BMS1: variants seen among roughly 807,000 people sequenced by gnomAD.
BMS1 encodes the protein ribosome biogenesis protein BMS1 homolog.
Under a neutral mutation model 138.7 loss-of-function variants are expected in BMS1, and 53 were observed. That is an observed-to-expected ratio of 0.38 (90% CI 0.31 to 0.48). The LOEUF is 0.48. Ranked by LOEUF, BMS1 falls within the 20% of genes least tolerant of loss-of-function variation. BMS1 has a pLI of 0.97. For missense variants in BMS1, 1,360 were observed against 1,565.5 expected, an observed-to-expected ratio of 0.87 and a Z score of 2.22; for synonymous variants, 504 against 539.9, an observed-to-expected ratio of 0.93 and a Z score of 0.92.
rs769824706 is a variant in BMS1, at chr10:42,790,471, A to G, written c.596A>G (p.Lys199Arg). The G allele has an allele frequency of 5.0e-6, 8 of 1,614,000 alleles. No homozygotes were observed. Among genetic ancestry groups the G allele is most frequent in the South Asian group, 1.1e-5 (1 of 91,076 alleles). ...FKHNKQLKKT[K>R]KRLKHRFWTE... ...CATAATAAGCAACTGAAGAAGACAA[A>G]GAAGCGATTAAAACACAGGTTCTGG... Residue 199 changes from lysine (K) to arginine (R), a missense_variant, in exon 5 of 23, where the codon AAG (lysine) becomes AGG (arginine). Physicochemically the swap from Lys to Arg is conservative, Grantham distance 26 (BLOSUM62 2). This residue lies in a region of BMS1 where 238 missense variants were observed against 311.1 expected (regional missense o/e 0.77). Transcript: ENST00000374518.
chr10:42,790,263 C>A (rs1340208958), intron 4 of BMS1, 60 bp from the exon 5 acceptor site: 36 of 1,578,046 alleles, frequency 2.3e-5, no homozygotes, highest in Admixed American at 1.0e-4. Flanking sequence ...AGTTGCCAAC[C>A]CTTAGTGTAG....
intron 14 of BMS1, 147 bp from the exon 15 acceptor site, chr10:42,817,171 A>T: frequency 1.5e-6 from 1 of 663,308 alleles, no homozygotes; most frequent in Non-Finnish European, 2.6e-6. Flanking sequence ...TCAGAGACAA[A>T]GGTTGTGTTG....
chr10:42,806,348 G>A (rs34081555), intron 13 of BMS1, among the ~76,000 whole-genome samples: 1 of 151,878 alleles, frequency 6.6e-6, no homozygotes, highest in South Asian at 2.1e-4. Flanking sequence ...TTGCCTTACT[G>A]CCCTGGTTTA....
chr10:42,800,771 C>T (rs930614020), intron 12 of BMS1, among the ~76,000 whole-genome samples: 2 of 152,170 alleles, frequency 1.3e-5, no homozygotes, highest in African/African-American at 2.4e-5. Flanking sequence ...TCCTGAGCCA[C>T]GTGCCTCGGC....
At position 42,816,230 on chromosome 10, in the gene BMS1, C is replaced by T. The variant is rs536827378; in HGVS notation, c.2330-369C>T. 7.2e-5 allele frequency among the ~76,000 whole-genome samples: 11 copies of T among 152,132 alleles called. No homozygotes were observed. The South Asian group carries it at 2.1e-3, about 29-fold the overall frequency. On this transcript the variant is annotated intron_variant, in intron 13 of 22. Coordinates refer to ENST00000374518, the MANE Select transcript of BMS1 (RefSeq NM_014753.4). ...AGTAGAATTGCTTGAACCCGGGAGG[C>T]GGAGGTTGCAGTGAGCTGAGATCAT...
At chr10:42,797,573 T>G (rs1841731142) in intron 11 of BMS1, 50 bp downstream of exon 11, 2 of 1,556,994 alleles carry the variant, frequency 1.3e-6, no homozygotes, top group Non-Finnish European at 1.8e-6. Flanking sequence ...CTCTGATTAT[T>G]TAGATGAGGG....
chr10:42,803,102 G>T (rs948008375), intron 13 of BMS1, among the ~76,000 whole-genome samples: 1 of 152,100 alleles, frequency 6.6e-6, no homozygotes, highest in African/African-American at 2.4e-5. Context: ...GCCCACTGCA[G>T]CCTCAACCTC....
chr10:42,795,232 A>G (rs979283700), intron 9 of BMS1, among the ~76,000 whole-genome samples: 15 of 152,190 alleles, frequency 9.9e-5, no homozygotes, highest in Admixed American at 7.2e-4. Context: ...ATACGTTTGC[A>G]TGTGTCTTTA....
intron 21 of BMS1, among the ~76,000 whole-genome samples, chr10:42,825,877 CACTA>C (rs1450757257): frequency 2.0e-5 from 3 of 152,172 alleles, no homozygotes; most frequent in Non-Finnish European, 4.4e-5. Flanking sequence ...AGTTGTTCCC[CACTA>C]ACTATTATGT....
chr10:42,810,142 G>A (rs1842129888), intron 13 of BMS1, among the ~76,000 whole-genome samples: 1 of 152,020 alleles, frequency 6.6e-6, no homozygotes, highest in Non-Finnish European at 1.5e-5. Context: ...TGCATACCTG[G>A]AATAACTCTC....
At chr10:42,829,068 CA>C (rs1271773476) in intron 21 of BMS1, among the ~76,000 whole-genome samples, 1 of 152,144 alleles carries the variant, frequency 6.6e-6, no homozygotes, top group Admixed American at 6.5e-5. Context: ...TTGACTTTAA[CA>C]AAAGCCTAGG....
Position 42,822,163 on chromosome 10 carries a change from C to T in BMS1, c.3111C>T (p.Phe1037=), listed in dbSNP as rs1432198135. The T allele has an allele frequency of 7.0e-7, 1 of 1,438,730 alleles. No individual in the cohort carries two copies. Among genetic ancestry groups the T allele is most frequent in the African/African-American group, 1.4e-5 (1 of 71,156 alleles). 89.1% of individuals were successfully genotyped at this position (1,438,730 alleles called of 1,614,324 possible). A position where few individuals can be genotyped will look rare whatever the true frequency, so the allele number is the denominator to read the frequency against. ...TAACTGGTTTTCCATATAAAATTTT[C>T]AAGAACACTTCATTTATTAAGGTCT... ...LKLTGFPYKI[F]KNTSFIKGMF... Residue 1037 remains phenylalanine, a synonymous_variant, in exon 19 of 23, where the codon TTC becomes TTT. Coordinates refer to ENST00000374518, the MANE Select transcript of BMS1 (RefSeq NM_014753.4).
At chr10:42,805,838 C>G (rs1841997019) in intron 13 of BMS1, among the ~76,000 whole-genome samples, 1 of 152,062 alleles carries the variant, frequency 6.6e-6, no homozygotes, top group Non-Finnish European at 1.5e-5. Flanking sequence ...CTCGCTCTGT[C>G]ACCCAGGCTG....
rs1053873034 is a variant in BMS1 at position 42,831,950 on chromosome 10, A to G, written c.*854A>G. The G allele has an allele frequency of 1.3e-5, 2 of 152,186 alleles. No individual in the cohort carries two copies. The highest frequency in any genetic ancestry group is 2.9e-5 in the Non-Finnish European group (2 of 68,038). 9.4% of individuals were successfully genotyped at this position (152,186 alleles called of 1,614,324 possible). A position where few individuals can be genotyped will look rare whatever the true frequency, so the allele number is the denominator to read the frequency against. ...ATATAGTTATGGGGAATCTATTCCT[A>G]TACGATGTAATCATAGATTCACATA... On this transcript the variant is annotated 3_prime_UTR_variant, in exon 23 of 23. Transcript: ENST00000374518.
chr10:42,807,475 T>C (rs1842045733), intron 13 of BMS1, among the ~76,000 whole-genome samples: 3 of 152,066 alleles, frequency 2.0e-5, no homozygotes, highest in African/African-American at 7.2e-5. Context: ...GTTTGTTTTG[T>C]TTTGTTTTGT....
chr10:42,816,533 G>A, intron 13 of BMS1, 66 bp from the exon 14 acceptor site: 1 of 1,350,768 alleles, frequency 7.4e-7, no homozygotes, highest in Non-Finnish European at 1.0e-6. Flanking sequence ...TGGGCCTGTG[G>A]TAGGTGGGGC....
intron 11 of BMS1, among the ~76,000 whole-genome samples, 188 bp downstream of exon 11, chr10:42,797,711 T>G (rs574605530): frequency 6.6e-6 from 1 of 152,234 alleles, no homozygotes; most frequent in South Asian, 2.1e-4. Context: ...AGTAGACTTA[T>G]GGGTTTGCTG....
intron 9 of BMS1, 92 bp from the exon 10 acceptor site, chr10:42,796,382 A>C: frequency 7.6e-7 from 1 of 1,317,724 alleles, no homozygotes; most frequent in Non-Finnish European, 1.0e-6. Flanking sequence ...GACATTTTCT[A>C]TTTCTTTGTA....
At chr10:42,797,998 T>A (rs1438102405) in intron 11 of BMS1, among the ~76,000 whole-genome samples, 1 of 152,210 alleles carries the variant, frequency 6.6e-6, no homozygotes, top group Non-Finnish European at 1.5e-5. Flanking sequence ...TACATTGTGC[T>A]CCCTGGTTAC....
Sources: allele counts gnomAD v4.1 joint callset (sites outside exome capture counted in the v4.1 genomes callset), GRCh38; gene constraint gnomAD v4.1.1; regional missense constraint gnomAD v4.1.1; transcripts MANE v1.5; gene names NCBI Gene and HGNC (gene_info 2026-07-23, HGNC 2026-07-21).